ARHGEF18: variants seen among roughly 807,000 people sequenced by gnomAD.
ARHGEF18 encodes rho guanine nucleotide exchange factor 18.
In ARHGEF18, 93 loss-of-function variants were observed where a neutral mutation model predicts 155.7. The ratio of observed to expected loss-of-function variants is 0.60; its 90% CI spans 0.50 to 0.71. ARHGEF18 has a LOEUF of 0.71. Among genes scored for constraint, ARHGEF18 ranks in the 30% least tolerant of loss-of-function variants. The probability of loss-of-function intolerance (pLI) is 0.00; values close to 1 mark genes in which losing one functional copy is unlikely to be tolerated. For missense variants in ARHGEF18, 1,593 were observed against 1,816.1 expected (o/e 0.88, Z 2.23); for synonymous variants, 742 against 753.1 (o/e 0.99, Z 0.24).
At chr19:7,371,599 T>C (rs1970206624) in intron 2 of ARHGEF18, among the ~76,000 whole-genome samples, 1 of 152,098 alleles carries the variant, frequency 6.6e-6, no homozygotes, top group South Asian at 2.1e-4. Flanking sequence ...GGCAGTTGAA[T>C]TGCCTGTGGT....
Position 7,380,497 on chromosome 19 carries a change from G to GT in ARHGEF18, c.645-419dup, listed in dbSNP as rs541983023. ...CCATCTCAAAAAAAAAAAAAACTGT[G>GT]TAAGATTTAAGTACTTGGTTAAAAA... On this transcript the variant is annotated intron_variant, in intron 7 of 28. Coordinates refer to ENST00000668164, the MANE Select transcript of ARHGEF18 (RefSeq NM_001367823.1). Among the ~76,000 whole-genome samples, 349 of 148,554 alleles carry GT rather than the reference G, an allele frequency of 2.3e-3. 2 individuals are homozygous for GT. The highest frequency in any genetic ancestry group is 8.3e-3 in the African/African-American group (335 of 40,216).
chr19:7,391,424 G>A (rs182376891), intron 10 of ARHGEF18, among the ~76,000 whole-genome samples: 63 of 152,224 alleles, frequency 4.1e-4, no homozygotes, highest in African/African-American at 1.4e-3. Context: ...CCTGTTCCTG[G>A]CCTTGACCTT....
rs1003412949 is a variant in ARHGEF18, at chr19:7,444,124, G to A, written c.1361-80G>A. 4.5e-6 allele frequency: 7 copies of A among 1,561,776 alleles called. No homozygotes were observed. Among genetic ancestry groups the A allele is most frequent in the Non-Finnish European group, 5.2e-6 (6 of 1,149,892 alleles). On this transcript the variant is annotated intron_variant, in intron 13 of 28. Coordinates refer to ENST00000668164, the MANE Select transcript of ARHGEF18 (RefSeq NM_001367823.1). This position sits in a 1 kb window ranked among gnomAD's most constrained non-coding sequence, Gnocchi z 4.7. Reference sequence around the variant, plus strand: ...ACTCTCAGAAGCCAGTTCAGCACGTGAAGGGCAGGCAGCACCCACGACTGC... The same window carrying A: ...ACTCTCAGAAGCCAGTTCAGCACGTAAAGGGCAGGCAGCACCCACGACTGC...
intron 23 of ARHGEF18, among the ~76,000 whole-genome samples, chr19:7,466,520 A>C (rs1235131278): frequency 6.9e-6 from 1 of 144,100 alleles, no homozygotes; most frequent in Admixed American, 6.9e-5. Flanking sequence ...AAAAAAAAAG[A>C]AGCCAGGCAT....
At position 7,451,283 on chromosome 19, in the gene ARHGEF18, C is replaced by G. The variant is rs1383288590; in HGVS notation, c.1855+17C>G. On this transcript the variant is annotated intron_variant, in intron 16 of 28. Transcript: ENST00000668164. ...ACACGGAAGGTAGGCCTTCTCCCCA[C>G]TGCCCCGCCCGCCCGTGCTGCTGCA... The G allele has an allele frequency of 6.2e-7, 1 of 1,609,368 alleles. No homozygotes were observed. Among genetic ancestry groups the G allele is most frequent in the Non-Finnish European group, 8.5e-7 (1 of 1,176,804 alleles).
chr19:7,370,912 C>CT (rs2145394328), intron 2 of ARHGEF18, among the ~76,000 whole-genome samples: 1 of 141,332 alleles, frequency 7.1e-6, no homozygotes, highest in African/African-American at 2.8e-5. Flanking sequence ...TTTTTTTTTT[C>CT]TTTCTTTCTT....
chr19:7,397,300 C>G (rs976941345), intron 10 of ARHGEF18, among the ~76,000 whole-genome samples: 1 of 151,886 alleles, frequency 6.6e-6, no homozygotes, highest in Non-Finnish European at 1.5e-5. Context: ...GGGTCTCACT[C>G]TGTTGCCCAG....
intron 10 of ARHGEF18, among the ~76,000 whole-genome samples, chr19:7,401,172 T>C (rs1972005668): frequency 6.6e-6 from 1 of 152,162 alleles, no homozygotes; most frequent in Non-Finnish European, 1.5e-5. Context: ...CCTTGGGCGC[T>C]GGAGGCAGCA....
At chr19:7,445,659 G>A (rs1009873623) in intron 14 of ARHGEF18, among the ~76,000 whole-genome samples, 10 of 151,978 alleles carry the variant, frequency 6.6e-5, no homozygotes, top group South Asian at 4.2e-4. Flanking sequence ...TCACTCTGTC[G>A]CCCAGGCTGG....
Position 7,440,444 on chromosome 19 carries a change from G to T in ARHGEF18, c.1068G>T (p.Gln356His), listed in dbSNP as rs1302513114. The part of the protein sequence containing the change: ...GMTVSQKGGP[Q>H]PTPSPAGPGT... ...CGGTCTCTCAGAAAGGGGGTCCCCA[G>T]CCAACACCGAGCCCGGCTGGCCCTG... is the stretch of plus-strand genomic sequence containing the variant. Residue 356 changes from glutamine (Q) to histidine (H), a missense_variant, in exon 11 of 29, where the codon CAG becomes CAT. Coordinates refer to ENST00000668164, the MANE Select transcript of ARHGEF18 (RefSeq NM_001367823.1). This position sits in a 1 kb window ranked among gnomAD's most constrained non-coding sequence, Gnocchi z 5.4. 1.2e-6 allele frequency: 2 copies of T among 1,601,064 alleles called. No individual in the cohort carries two copies. The highest frequency in any genetic ancestry group is 1.7e-6 in the Non-Finnish European group (2 of 1,179,852).
intron 1 of ARHGEF18, among the ~76,000 whole-genome samples, chr19:7,353,745 G>C (rs1318477444): frequency 6.6e-6 from 1 of 151,832 alleles, no homozygotes; most frequent in Non-Finnish European, 1.5e-5. Context: ...CTGAGGTTAG[G>C]AGTTCAAGAC....
rs1347593839 is a variant in ARHGEF18 at position 7,467,505 on chromosome 19, C to T, written c.3301C>T (p.Arg1101Trp). 7.0e-7 allele frequency: 1 copy of T among 1,431,534 alleles called. No homozygotes were observed. Among genetic ancestry groups the T allele is most frequent in the Non-Finnish European group, 9.1e-7 (1 of 1,104,786 alleles). 88.7% of individuals were successfully genotyped at this position (1,431,534 alleles called of 1,614,324 possible). ...GGGCGAGGCGCGGCAGCTACGCGAG[C>T]GGCTGGAGCAGGAGCGGGCCGAGCT... ...REGEARQLRE[R>W]LEQERAELER... The change falls in exon 26 of 29, where the codon CGG becomes TGG. Residue 1101 changes from arginine to tryptophan, a missense_variant. Coordinates refer to ENST00000668164, the MANE Select transcript of ARHGEF18 (RefSeq NM_001367823.1).
At chr19:7,387,838 T>G (rs565231637) in intron 10 of ARHGEF18, among the ~76,000 whole-genome samples, 1 of 151,970 alleles carries the variant, frequency 6.6e-6, no homozygotes, top group South Asian at 2.1e-4. Flanking sequence ...CCTGGCTAAT[T>G]TTTTTTAGTA....
chr19:7,451,411 T>TA, intron 16 of ARHGEF18, 145 bp downstream of exon 16: 1 of 642,314 alleles, frequency 1.6e-6, no homozygotes, highest in East Asian at 2.9e-5. Flanking sequence ...TTCCTTTTTT[T>TA]TTTTTTTTTT....
At chr19:7,364,509 C>T (rs1041950870) in intron 2 of ARHGEF18, among the ~76,000 whole-genome samples, 3 of 152,170 alleles carry the variant, frequency 2.0e-5, no homozygotes, top group East Asian at 1.9e-4. Flanking sequence ...CTGCAGCCTG[C>T]GTCCATACCC....
rs758250902 is a variant in ARHGEF18, at chr19:7,464,727, C to T, written c.2904+37C>T. 5.0e-6 allele frequency: 8 copies of T among 1,609,576 alleles called. 1 individual carries two copies. In the South Asian group the frequency reaches 5.5e-5, roughly 11 times the overall value. ...TCCATTTGCTCGGTACAGTCTGAGTCGTCATAAGGATTCATGTGTGTGAGC... is the reference window on the plus strand; with the variant it reads ...TCCATTTGCTCGGTACAGTCTGAGTTGTCATAAGGATTCATGTGTGTGAGC... On this transcript the variant is annotated intron_variant, in intron 23 of 28. Transcript: ENST00000668164.
intron 10 of ARHGEF18, among the ~76,000 whole-genome samples, chr19:7,413,306 T>C (rs1348464543): frequency 2.0e-5 from 3 of 151,718 alleles, no homozygotes; most frequent in Non-Finnish European, 4.4e-5. Context: ...TTTTTTTTTT[T>C]TTCTTTTTTT....
At chr19:7,424,849 C>T (rs539720059) in intron 10 of ARHGEF18, among the ~76,000 whole-genome samples, 1 of 152,120 alleles carries the variant, frequency 6.6e-6, no homozygotes, top group African/African-American at 2.4e-5. Context: ...CAAAAATTTG[C>T]CAGGCATGGT....
chr19:7,411,726 C>A (rs572931875), intron 10 of ARHGEF18, among the ~76,000 whole-genome samples: 60 of 152,246 alleles, frequency 3.9e-4, no homozygotes, highest in African/African-American at 1.4e-3. Flanking sequence ...CTCCTCTTCC[C>A]AAGCTGCAAC....
Sources: gnomAD v4.1 joint callset for allele counts (sites outside exome capture counted in the v4.1 genomes callset) on GRCh38, gnomAD v4.1.1 for gene constraint, Gnocchi (gnomAD v3.1) non-coding constraint, MANE v1.5 for transcripts, NCBI Gene and HGNC (gene_info 2026-07-23, HGNC 2026-07-21) for gene names.